AUTS2: variants seen among roughly 807,000 people sequenced by gnomAD.
AUTS2 encodes activator of transcription and developmental regulator AUTS2.
In AUTS2, 17 loss-of-function variants were observed where a neutral mutation model predicts 112.4. The observed-to-expected ratio is 0.15, with a 90% confidence interval of 0.10 to 0.23. The LOEUF (loss-of-function observed/expected upper bound fraction) is 0.23. Ranked by LOEUF, AUTS2 falls within the 10% of genes least tolerant of loss-of-function variation. The pLI, the probability that AUTS2 is intolerant of heterozygous loss-of-function variation, is 1.00. For synonymous variants in AUTS2, 751 were observed against 702.7 expected (o/e 1.07, Z -1.09); for missense variants, 1,510 against 1,701.6 (o/e 0.89, Z 1.98).
Position 70,371,156 on chromosome 7 carries a change from G to T in AUTS2, c.661-64596G>T, listed in dbSNP as rs773754722. On this transcript the variant is annotated intron_variant, in intron 4 of 18. Transcript: ENST00000342771. ...TCATTCTAACCATTCTCAGTCCTTGGCAACACGAAGTTAGGTTCACCTGAA... is the reference window on the plus strand; with the variant it reads ...TCATTCTAACCATTCTCAGTCCTTGTCAACACGAAGTTAGGTTCACCTGAA... 6.6e-5 allele frequency among the ~76,000 whole-genome samples: 10 copies of T among 152,210 alleles called. No individual in the cohort carries two copies. The East Asian group carries it at 1.9e-3, about 29-fold the overall frequency.
intron 1 of AUTS2, among the ~76,000 whole-genome samples, chr7:69,677,972 G>A (rs2533427): frequency 0.61 from 93,230 of 151,984 alleles, 28,919 homozygotes; most frequent in East Asian, 0.7. Flanking sequence ...CTCTGGAAAA[G>A]CCCATTTTGA....
At chr7:69,777,676 A>C (rs934584557) in intron 1 of AUTS2, among the ~76,000 whole-genome samples, 19 of 152,212 alleles carry the variant, frequency 1.2e-4, no homozygotes, top group African/African-American at 4.6e-4. Context: ...TTGAATATAA[A>C]ATTATTTACA....
At chr7:70,081,965 T>TGTGTGTGC (rs1018968486) in intron 2 of AUTS2, among the ~76,000 whole-genome samples, 230 of 128,096 alleles carry the variant, frequency 1.8e-3, no homozygotes, top group African/African-American at 6.3e-3. Flanking sequence ...TGTGTGTGTG[T>TGTGTGTGC]GCGCGCGCCT....
chr7:70,091,544 A>G (rs1245659725), intron 2 of AUTS2, among the ~76,000 whole-genome samples: 1 of 152,178 alleles, frequency 6.6e-6, no homozygotes, highest in Non-Finnish European at 1.5e-5. Flanking sequence ...AAGTCTCGAC[A>G]CTTGGAAAAG....
chr7:69,982,392 TA>T (rs1195194923), intron 2 of AUTS2, among the ~76,000 whole-genome samples: 3 of 152,170 alleles, frequency 2.0e-5, no homozygotes, highest in Non-Finnish European at 4.4e-5. Context: ...TAAGAAAGAT[TA>T]AAAGAACAAG....
intron 1 of AUTS2, among the ~76,000 whole-genome samples, chr7:69,770,537 A>C (rs1338525994): frequency 1.3e-5 from 2 of 151,976 alleles, no homozygotes; most frequent in East Asian, 3.9e-4. Context: ...CCTGTTGGGC[A>C]TGAGCTACAT....
intron 5 of AUTS2, among the ~76,000 whole-genome samples, chr7:70,550,671 G>A (rs751999445): frequency 4.6e-5 from 7 of 152,274 alleles, no homozygotes; most frequent in Non-Finnish European, 8.8e-5. Flanking sequence ...GATGCATGTG[G>A]TAATGGGTTA....
chr7:70,625,762 T>C (rs1423761823), intron 5 of AUTS2, among the ~76,000 whole-genome samples: 1 of 152,214 alleles, frequency 6.6e-6, no homozygotes. Flanking sequence ...CATTCGTGGC[T>C]ATAGATAGGT....
intron 4 of AUTS2, among the ~76,000 whole-genome samples, chr7:70,203,899 C>T (rs893444534): frequency 1.3e-5 from 2 of 149,370 alleles, no homozygotes; most frequent in African/African-American, 2.5e-5. Context: ...GGAGTGTGCA[C>T]GTGATCGAGA....
chr7:70,466,050 T>C (rs1185294950), intron 5 of AUTS2, among the ~76,000 whole-genome samples: 1 of 152,160 alleles, frequency 6.6e-6, no homozygotes, highest in Non-Finnish European at 1.5e-5. Flanking sequence ...AGAACAGATA[T>C]AGCTGACTCT....
chr7:69,907,944 G>A (rs965897783), intron 2 of AUTS2, among the ~76,000 whole-genome samples: 2 of 152,158 alleles, frequency 1.3e-5, no homozygotes, highest in African/African-American at 2.4e-5. Context: ...TACTGAAATG[G>A]TAGCTTTTGT....
chr7:70,702,009 C>T (rs888659150), intron 6 of AUTS2, among the ~76,000 whole-genome samples: 2 of 152,216 alleles, frequency 1.3e-5, no homozygotes, highest in African/African-American at 4.8e-5. Context: ...TCAGTCTATT[C>T]AACATGGCTA....
chr7:70,044,932 GT>G (rs35251988), intron 2 of AUTS2, among the ~76,000 whole-genome samples: 53,893 of 146,294 alleles, frequency 0.37, 9,910 homozygotes, highest in African/African-American at 0.47. Context: ...CCCATAGCAT[GT>G]TTTTTTTTTT....
At chr7:69,961,454 G>A (rs1332822960) in intron 2 of AUTS2, among the ~76,000 whole-genome samples, 1 of 152,044 alleles carries the variant, frequency 6.6e-6, no homozygotes, top group African/African-American at 2.4e-5. Flanking sequence ...CCTATTCTTA[G>A]GAACCTTTTA....
intron 1 of AUTS2, among the ~76,000 whole-genome samples, chr7:69,729,116 T>C (rs991421964): frequency 6.6e-6 from 1 of 152,104 alleles, no homozygotes; most frequent in Non-Finnish European, 1.5e-5. Context: ...TTTTTTTGTG[T>C]GTGAAGGGTT....
At chr7:69,856,939 G>C (rs1792755519) in intron 1 of AUTS2, among the ~76,000 whole-genome samples, 1 of 152,156 alleles carries the variant, frequency 6.6e-6, no homozygotes, top group Non-Finnish European at 1.5e-5. Context: ...GCAACATTTT[G>C]TATTCTTCTA....
At chr7:69,976,416 G>A (rs1409819489) in intron 2 of AUTS2, among the ~76,000 whole-genome samples, 1 of 152,154 alleles carries the variant, frequency 6.6e-6, no homozygotes, top group Non-Finnish European at 1.5e-5. Flanking sequence ...CATTTGAGTT[G>A]CTTCCACCTC....
intron 1 of AUTS2, among the ~76,000 whole-genome samples, chr7:69,664,143 T>G (rs964841480): frequency 3.9e-5 from 6 of 152,222 alleles, no homozygotes; most frequent in Non-Finnish European, 8.8e-5. Context: ...AAGAGGGTAC[T>G]TAAAGTGTTT....
At chr7:70,188,666 C>T (rs998338398) in intron 4 of AUTS2, among the ~76,000 whole-genome samples, 3 of 152,132 alleles carry the variant, frequency 2.0e-5, no homozygotes, top group African/African-American at 2.4e-5. Context: ...GAACTTTGTA[C>T]GAGAGTCACT....
Sources: allele counts gnomAD v4.1 joint callset (sites outside exome capture counted in the v4.1 genomes callset), GRCh38; gene constraint gnomAD v4.1.1; transcripts MANE v1.5; gene names NCBI Gene and HGNC (gene_info 2026-07-23, HGNC 2026-07-21).